SVOPL: variants seen among roughly 807,000 people sequenced by gnomAD.
The protein encoded by SVOPL is SVOP like.
Under a neutral mutation model 61.0 loss-of-function variants are expected in SVOPL, and 60 were observed. That is an observed-to-expected ratio of 0.98 (90% CI 0.80 to 1.22). The LOEUF (loss-of-function observed/expected upper bound fraction) is 1.22. Among genes scored for constraint, SVOPL ranks in the 50% most tolerant of loss-of-function variants. SVOPL has a pLI of 0.00. For synonymous variants in SVOPL, 279 were observed against 250.0 expected (o/e 1.12, Z -1.09); for missense variants, 662 against 643.9 (o/e 1.03, Z -0.30).
intron 7 of SVOPL, 62 bp downstream of exon 7, chr7:138,656,386 C>T: frequency 6.6e-7 from 1 of 1,518,630 alleles, no homozygotes; most frequent in Non-Finnish European, 9.1e-7. Context: ...CCAAGGTATG[C>T]CTATATGTAC....
At chr7:138,633,550 A>T (rs1800317438) in intron 9 of SVOPL, among the ~76,000 whole-genome samples, 1 of 150,958 alleles carries the variant, frequency 6.6e-6, no homozygotes, top group Non-Finnish European at 1.5e-5. Flanking sequence ...TGGTGCCGTG[A>T]TTGTACAGTC....
rs149051889 is a variant in SVOPL, at chr7:138,655,571, G to GCACA, written c.534+873_534+876dup. Among the ~76,000 whole-genome samples the GCACA allele has an allele frequency of 2.7e-5, 4 of 148,438 alleles. No homozygotes were observed. The East Asian group carries it at 5.9e-4, about 22-fold the overall frequency. On this transcript the variant is annotated intron_variant, in intron 7 of 15. Transcript: ENST00000674285. ...CCAAGGTGATATAAGCTACACACAC[G>GCACA]CACACACACACACACCCCTACACAC...
intron 1 of SVOPL, among the ~76,000 whole-genome samples, chr7:138,696,420 T>C (rs1382276501): frequency 6.6e-6 from 1 of 151,812 alleles, no homozygotes; most frequent in South Asian, 2.1e-4. Flanking sequence ...TGTTGTTTGT[T>C]GTTGTTGTTG....
At chr7:138,643,406 G>A (rs1800931656) in intron 9 of SVOPL, among the ~76,000 whole-genome samples, 1 of 131,352 alleles carries the variant, frequency 7.6e-6, no homozygotes. Context: ...GCCTGGGCAA[G>A]AGTGAGACTC....
chr7:138,676,154 T>TTCA (rs144573213), intron 3 of SVOPL, among the ~76,000 whole-genome samples: 2,162 of 152,266 alleles, frequency 0.014, 58 homozygotes, highest in African/African-American at 0.05. Context: ...TTAACGTATT[T>TTCA]TCACCTTACC....
intron 14 of SVOPL, among the ~76,000 whole-genome samples, chr7:138,601,251 C>CAAA (rs59761826): frequency 2.4e-4 from 24 of 99,062 alleles, no homozygotes; most frequent in Middle Eastern, 5.4e-3. Flanking sequence ...GATTCCATCT[C>CAAA]AAAAAAAAAA....
chr7:138,683,277 A>G (rs1195271114), intron 1 of SVOPL, among the ~76,000 whole-genome samples: 1 of 152,180 alleles, frequency 6.6e-6, no homozygotes, highest in Non-Finnish European at 1.5e-5. Context: ...ATGGTGATCT[A>G]TTGAAAATTA....
intron 5 of SVOPL, chr7:138,661,145 A>T: frequency 2.0e-6 from 2 of 985,424 alleles, no homozygotes; most frequent in Non-Finnish European, 2.4e-6. Context: ...TTCCTTTGAG[A>T]TTCCTCCATT....
chr7:138,660,203 C>T, intron 5 of SVOPL: 1 of 1,310,018 alleles, frequency 7.6e-7, no homozygotes, highest in Middle Eastern at 2.8e-4. Flanking sequence ...TCAGACCATT[C>T]TTTAAAACTA....
intron 9 of SVOPL, among the ~76,000 whole-genome samples, chr7:138,633,985 A>G (rs962779246): frequency 6.6e-6 from 1 of 152,190 alleles, no homozygotes; most frequent in African/African-American, 2.4e-5. Context: ...GATTCAGGGC[A>G]TGGGTAGCAC....
intron 1 of SVOPL, among the ~76,000 whole-genome samples, chr7:138,684,066 G>T (rs1282734059): frequency 2.0e-5 from 3 of 151,130 alleles, no homozygotes; most frequent in Non-Finnish European, 2.9e-5. Flanking sequence ...AGGGGGGCAG[G>T]TGGCAAAGAA....
intron 9 of SVOPL, among the ~76,000 whole-genome samples, chr7:138,642,797 T>A (rs1800877937): frequency 7.3e-6 from 1 of 137,400 alleles, no homozygotes; most frequent in Non-Finnish European, 1.5e-5. Flanking sequence ...GCTACTACAC[T>A]CCAGCCTGGA....
At chr7:138,671,839 C>G (rs4421309) in intron 4 of SVOPL, among the ~76,000 whole-genome samples, 180 bp downstream of exon 4, 152,349 of 152,350 alleles carry the variant, frequency 1, 76,174 homozygotes, top group Middle Eastern at 1. Context: ...AGCAGTTCAA[C>G]ATTAGGCATG....
chr7:138,618,123 C>A (rs1052611301), intron 14 of SVOPL, among the ~76,000 whole-genome samples: 7 of 152,160 alleles, frequency 4.6e-5, no homozygotes, highest in Non-Finnish European at 1.0e-4. Context: ...TTAAGGAAAG[C>A]AGAGCATCTC....
intron 13 of SVOPL, among the ~76,000 whole-genome samples, chr7:138,622,254 GTATCTATCTATCTATGTATCTATCTATC>G (rs1799690790): frequency 5.7e-5 from 3 of 52,896 alleles, no homozygotes; most frequent in African/African-American, 1.9e-4. Flanking sequence ...ATCTATCTAT[GTATCTATCTATCTATGTATCTATCTATC>G]TATCTATCTA....
chr7:138,670,147 T>C (rs996894437), intron 4 of SVOPL, among the ~76,000 whole-genome samples: 1 of 152,232 alleles, frequency 6.6e-6, no homozygotes, highest in Non-Finnish European at 1.5e-5. Context: ...ATTTTGGCTT[T>C]AACTTCCAAA....
At chr7:138,651,701 G>C (rs1341043389) in intron 7 of SVOPL, among the ~76,000 whole-genome samples, 3 of 151,862 alleles carry the variant, frequency 2.0e-5, no homozygotes, top group Non-Finnish European at 4.4e-5. Flanking sequence ...TCATTGTTTG[G>C]GGGCACCGCA....
intron 1 of SVOPL, among the ~76,000 whole-genome samples, chr7:138,698,302 C>A (rs1803116791): frequency 6.6e-6 from 1 of 152,148 alleles, no homozygotes; most frequent in African/African-American, 2.4e-5. Context: ...TATTGCCTAC[C>A]CAACATCAGG....
At position 138,639,962 on chromosome 7, in the gene SVOPL, C is replaced by T. The variant is rs181235383; in HGVS notation, c.789+4755G>A. Among the ~76,000 whole-genome samples the T allele has an allele frequency of 8.6e-5, 13 of 151,952 alleles. No homozygotes were observed. In the East Asian group the frequency reaches 2.1e-3, roughly 25 times the overall value. ...GGTAAAAAGGGGTCCTGTTTTGATG[C>T]CCAGGCTGGTCTCAAAATCTTGGCC... On this transcript the variant is annotated intron_variant, in intron 9 of 15. Transcript: ENST00000674285.
Sources: allele counts gnomAD v4.1 joint callset (sites outside exome capture counted in the v4.1 genomes callset), GRCh38; gene constraint gnomAD v4.1.1; transcripts MANE v1.5; gene names NCBI Gene and HGNC (gene_info 2026-07-23, HGNC 2026-07-21).